Variants in POGZ observed in about 807,000 individuals in gnomAD.
POGZ encodes the protein pogo transposable element with ZNF domain.
A neutral mutation model predicts 134.6 loss-of-function variants in POGZ; 17 were observed. The ratio of observed to expected loss-of-function variants is 0.13; its 90% CI spans 0.09 to 0.19. The LOEUF is 0.19. POGZ is among the 10% of genes least tolerant of loss of function. The probability of loss-of-function intolerance (pLI) is 1.00; values close to 1 mark genes in which losing one functional copy is unlikely to be tolerated. For synonymous variants in POGZ, 693 were observed against 657.1 expected, an observed-to-expected ratio of 1.05 and a Z score of -0.84; for missense variants, 1,306 against 1,769.7, an observed-to-expected ratio of 0.74 and a Z score of 4.70.
intron 15 of POGZ, 68 bp downstream of exon 15, chr1:151,408,026 AAAAAAG>A (rs768332899): frequency 0.07 from 55,693 of 796,482 alleles, 19 homozygotes; most frequent in South Asian, 0.12. Context: ...AAAAAAAAAA[AAAAAAG>A]AAGAAGAAGA....
intron 10 of POGZ, among the ~76,000 whole-genome samples, chr1:151,419,687 A>AAC (rs1333362063): frequency 2.0e-5 from 3 of 148,926 alleles, no homozygotes; most frequent in African/African-American, 5.0e-5. Context: ...AAAAAAAAAA[A>AAC]AAAAAAAACT....
rs750755154 is a variant in POGZ at position 151,424,939 on chromosome 1, A to C, written c.1185+16T>G. 2.2e-5 allele frequency: 30 copies of C among 1,342,060 alleles called. No homozygotes were observed. The highest frequency in any genetic ancestry group is 5.3e-5 in the Admixed American group (3 of 56,598). 83.1% of individuals were successfully genotyped at this position (1,342,060 alleles called of 1,614,324 possible). ...GCAGAAGCCACTTAAGCTGGATCAC[A>C]GGTGATATCACTTACACACATGTGA... is the stretch of plus-strand genomic sequence containing the variant. On this transcript the variant is annotated intron_variant, in intron 8 of 18. Transcript: ENST00000271715.
chr1:151,458,956 G>A (rs891214784), intron 1 of POGZ, among the ~76,000 whole-genome samples, 196 bp downstream of exon 1: 1 of 143,822 alleles, frequency 7.0e-6, no homozygotes, highest in African/African-American at 2.5e-5. Flanking sequence ...GCACCCCGCG[G>A]CCGCCCCTGC....
intron 10 of POGZ, among the ~76,000 whole-genome samples, chr1:151,415,331 G>C (rs1024495786): frequency 1.3e-5 from 2 of 152,106 alleles, no homozygotes. Context: ...AGATGCTCAG[G>C]AAGTGGAGGT....
At chr1:151,429,389 A>G in intron 5 of POGZ, 1 of 330,158 alleles carries the variant, frequency 3.0e-6, no homozygotes, top group Non-Finnish European at 5.6e-6. Context: ...CTACTTGATG[A>G]AGGGTGGTGA....
At chr1:151,414,915 G>C (rs1185193378) in intron 10 of POGZ, among the ~76,000 whole-genome samples, 4 of 152,142 alleles carry the variant, frequency 2.6e-5, no homozygotes, top group Admixed American at 6.5e-5. Context: ...AGCTAATACA[G>C]AAAAAGATTC....
intron 7 of POGZ, among the ~76,000 whole-genome samples, chr1:151,425,506 C>T (rs1401834111): frequency 6.6e-6 from 1 of 152,110 alleles, no homozygotes; most frequent in Non-Finnish European, 1.5e-5. Flanking sequence ...AAAACCTCCT[C>T]ACCATTCTCC....
intron 10 of POGZ, among the ~76,000 whole-genome samples, chr1:151,422,089 T>C (rs761764561): frequency 6.6e-6 from 1 of 152,200 alleles, no homozygotes; most frequent in Non-Finnish European, 1.5e-5. Context: ...TTTTTACTTG[T>C]AGCAAATGCA....
At position 151,442,339 on chromosome 1, in the gene POGZ, C is replaced by T. The variant is rs1432889551; in HGVS notation, c.-1-134G>A. On this transcript the variant is annotated intron_variant, in intron 1 of 18. Coordinates refer to ENST00000271715, the MANE Select transcript of POGZ (RefSeq NM_015100.4). ...CTCCTTTATCATATCCTCTAGCCTTCCTCCATTTCCAAGGGTTCAGAATTA... is the reference window on the plus strand; with the variant it reads ...CTCCTTTATCATATCCTCTAGCCTTTCTCCATTTCCAAGGGTTCAGAATTA... 9 of 562,072 alleles carry T rather than the reference C, an allele frequency of 1.6e-5. No individual in the cohort carries two copies. In the Admixed American group the frequency reaches 2.2e-4, roughly 13 times the overall value. 34.8% of individuals were successfully genotyped at this position (562,072 alleles called of 1,614,324 possible).
intron 8 of POGZ, 88 bp from the exon 9 acceptor site, chr1:151,424,374 G>T: frequency 1.2e-6 from 1 of 852,476 alleles, no homozygotes; most frequent in African/African-American, 1.7e-5. Flanking sequence ...CTTGTTAACG[G>T]TTTGGTTTCA....
rs1052847272 is a variant in POGZ, at chr1:151,404,196, AAG to A, written c.*604_*605del. ...GAGGGAAGGAAAGAAAAGGAGAAGG[AAG>A]AGAGAGTTCAGTGGGACTTTTTTTC... On this transcript the variant is annotated 3_prime_UTR_variant, in exon 19 of 19. Coordinates refer to ENST00000271715, the MANE Select transcript of POGZ (RefSeq NM_015100.4). 182 of 985,680 alleles carry A rather than the reference AAG, an allele frequency of 1.8e-4. No individual in the cohort carries two copies. Among genetic ancestry groups the A allele is most frequent in the East Asian group, 3.4e-4 (3 of 8,826 alleles). 61.1% of individuals were successfully genotyped at this position (985,680 alleles called of 1,614,324 possible).
intron 8 of POGZ, 54 bp downstream of exon 8, chr1:151,424,901 A>G (rs1203090491): frequency 2.3e-5 from 20 of 870,526 alleles, no homozygotes; most frequent in Non-Finnish European, 3.4e-5. Flanking sequence ...TCCAATATTA[A>G]TGAAGGTAAA....
chr1:151,418,070 G>A (rs1049931571), intron 10 of POGZ, among the ~76,000 whole-genome samples: 13 of 152,164 alleles, frequency 8.5e-5, no homozygotes, highest in Middle Eastern at 3.4e-3. Context: ...AAAAAAATTA[G>A]CCGGGCGTGG....
rs916616689 is a variant in POGZ at position 151,413,145 on chromosome 1, T to C, written c.1679-749A>G. ...TTTTTTAAGAGACAGAATCTCACTG[T>C]TGCTCAGGCTGGAGCATGATCATAG... On this transcript the variant is annotated intron_variant, in intron 10 of 18. Transcript: ENST00000271715. Among the ~76,000 whole-genome samples, 137 of 149,598 alleles carry C rather than the reference T, an allele frequency of 9.2e-4. 6 individuals are homozygous for C. Among genetic ancestry groups the C allele is most frequent in the Admixed American group, 9.0e-3 (135 of 14,950 alleles).
At chr1:151,447,821 T>C (rs1399074476) in intron 1 of POGZ, among the ~76,000 whole-genome samples, 1 of 151,916 alleles carries the variant, frequency 6.6e-6, no homozygotes, top group Non-Finnish European at 1.5e-5. Context: ...CAGTTATCTT[T>C]ACAGATACTC....
intron 12 of POGZ, among the ~76,000 whole-genome samples, chr1:151,409,856 T>C (rs1654357402): frequency 6.6e-6 from 1 of 152,256 alleles, no homozygotes; most frequent in East Asian, 1.9e-4. Flanking sequence ...GGATTCAGTC[T>C]GCCTAGTATT....
chr1:151,435,501 T>TC (rs1164009134), intron 3 of POGZ, among the ~76,000 whole-genome samples: 8 of 151,624 alleles, frequency 5.3e-5, no homozygotes, highest in Admixed American at 5.3e-4. Context: ...TACTTTCCTT[T>TC]TTTTTTTTTG....
At chr1:151,420,068 G>A (rs925004383) in intron 10 of POGZ, among the ~76,000 whole-genome samples, 1 of 152,014 alleles carries the variant, frequency 6.6e-6, no homozygotes, top group Non-Finnish European at 1.5e-5. Context: ...TATGCCTACA[G>A]TCCCAGCTAC....
intron 3 of POGZ, among the ~76,000 whole-genome samples, chr1:151,432,541 G>A (rs1373699843): frequency 6.6e-6 from 1 of 152,230 alleles, no homozygotes; most frequent in South Asian, 2.1e-4. Flanking sequence ...TCTATGGTGG[G>A]TTTTTTAAAT....
Sources: allele counts gnomAD v4.1 joint callset (sites outside exome capture counted in the v4.1 genomes callset), GRCh38; gene constraint gnomAD v4.1.1; transcripts MANE v1.5; gene names NCBI Gene and HGNC (gene_info 2026-07-23, HGNC 2026-07-21).